Variants in RNLS observed in about 807,000 individuals in gnomAD.
RNLS encodes the protein renalase, FAD dependent amine oxidase.
In RNLS, 39 loss-of-function variants were observed where a neutral mutation model predicts 39.8. The observed-to-expected ratio is 0.98, with a 90% CI of 0.76 to 1.28. The LOEUF (loss-of-function observed/expected upper bound fraction) is 1.28, where lower values mean the gene tolerates loss of function less well. Among genes scored for constraint, RNLS ranks in the 50% most tolerant of loss-of-function variants. The pLI, the probability that RNLS is intolerant of heterozygous loss-of-function variation, is 0.00. For missense variants in RNLS, 410 were observed against 413.3 expected (o/e 0.99, Z 0.07); for synonymous variants, 147 against 150.7 (o/e 0.98, Z 0.18).
At chr10:88,404,531 C>T (rs1853142311) in intron 4 of RNLS, among the ~76,000 whole-genome samples, 1 of 151,942 alleles carries the variant, frequency 6.6e-6, no homozygotes, top group African/African-American at 2.4e-5. Context: ...AAGTCATAGG[C>T]CAAGTGACAA....
chr10:88,416,598 C>G (rs1854044783), intron 4 of RNLS, among the ~76,000 whole-genome samples: 1 of 152,122 alleles, frequency 6.6e-6, no homozygotes, highest in Admixed American at 6.5e-5. Context: ...CTTTTGAGGA[C>G]TTTCATTATT....
At chr10:88,193,374 C>T in the RNLS span, among the ~76,000 whole-genome samples, 2 of 152,024 alleles carry the variant, frequency 1.3e-5, no homozygotes, top group Admixed American at 6.6e-5. Flanking sequence ...GAACAGAGTG[C>T]GAACACATTA....
rs529472048 is a variant in RNLS, at chr10:88,380,436, C to T, written c.527-17711G>A. 7.4e-5 allele frequency among the ~76,000 whole-genome samples: 10 copies of T among 135,122 alleles called. No homozygotes were observed. In the East Asian group the frequency reaches 1.3e-3, roughly 18 times the overall value. 88.6% of individuals were successfully genotyped at this position (135,122 alleles called of 152,430 possible). A position where few individuals can be genotyped will look rare whatever the true frequency, so the allele number is the denominator to read the frequency against. On this transcript the variant is annotated intron_variant, in intron 4 of 6. Coordinates refer to ENST00000331772, the MANE Select transcript of RNLS (RefSeq NM_001031709.3). ...TGTCACCCAGGCTGGAGTGCAGTGG[C>T]GTGATCTCCGCTCACTGCAAGCTCT... is the stretch of plus-strand genomic sequence containing the variant.
intron 4 of RNLS, among the ~76,000 whole-genome samples, chr10:88,387,017 A>G (rs1187741701): frequency 6.6e-6 from 1 of 152,232 alleles, no homozygotes; most frequent in African/African-American, 2.4e-5. Flanking sequence ...CACCCAAAAC[A>G]CATAAACAGA....
the RNLS span, among the ~76,000 whole-genome samples, chr10:88,226,229 C>A: frequency 2.6e-5 from 4 of 152,164 alleles, no homozygotes; most frequent in Non-Finnish European, 5.9e-5. Flanking sequence ...ACATTTTTAG[C>A]CCTTTATCTA....
intron 4 of RNLS, among the ~76,000 whole-genome samples, chr10:88,378,339 T>C (rs1851194349): frequency 6.6e-6 from 1 of 152,202 alleles, no homozygotes; most frequent in Non-Finnish European, 1.5e-5. Context: ...TGCCATCCTG[T>C]TTCTGGCCAC....
chr10:88,550,155 C>T (rs1412460922), intron 4 of RNLS, among the ~76,000 whole-genome samples: 1 of 152,088 alleles, frequency 6.6e-6, no homozygotes, highest in African/African-American at 2.4e-5. Context: ...AATAAAACTG[C>T]TTACCAGAAA....
At chr10:88,421,251 T>C (rs1029161619) in intron 4 of RNLS, among the ~76,000 whole-genome samples, 5 of 151,886 alleles carry the variant, frequency 3.3e-5, no homozygotes, top group Admixed American at 2.6e-4. Context: ...ATTTTACCCA[T>C]AGCCTATGAT....
At chr10:88,387,938 CTG>C (rs1454398303) in intron 4 of RNLS, among the ~76,000 whole-genome samples, 2 of 152,166 alleles carry the variant, frequency 1.3e-5, no homozygotes, top group South Asian at 2.1e-4. Flanking sequence ...GGAAACATCT[CTG>C]TGGGTATTTG....
intron 4 of RNLS, among the ~76,000 whole-genome samples, chr10:88,533,731 G>T (rs1847575172): frequency 1.3e-5 from 2 of 152,082 alleles, no homozygotes; most frequent in Admixed American, 6.6e-5. Flanking sequence ...GACAAGACAG[G>T]GAGTGACACT....
At chr10:88,208,411 T>C in the RNLS span, among the ~76,000 whole-genome samples, 13,868 of 152,084 alleles carry the variant, frequency 0.091, 745 homozygotes, top group Middle Eastern at 0.14. Flanking sequence ...ATATGGAAGA[T>C]TAAATGAAAA....
intron 6 of RNLS, among the ~76,000 whole-genome samples, chr10:88,305,499 G>C (rs1405770963): frequency 6.6e-6 from 1 of 151,996 alleles, no homozygotes; most frequent in Non-Finnish European, 1.5e-5. Flanking sequence ...GATCTACCAA[G>C]GAAATGGAAA....
the RNLS span, among the ~76,000 whole-genome samples, chr10:88,225,328 C>T: frequency 6.6e-6 from 1 of 152,178 alleles, no homozygotes; most frequent in Non-Finnish European, 1.5e-5. Context: ...TTTGTTACTG[C>T]CTGTTGAGCT....
chr10:88,382,032 T>C (rs533272751), intron 4 of RNLS, among the ~76,000 whole-genome samples: 1 of 152,270 alleles, frequency 6.6e-6, no homozygotes, highest in East Asian at 1.9e-4. Flanking sequence ...CCCACTACGA[T>C]GGCAGAGTAG....
chr10:88,553,065 G>A (rs1489116951), intron 4 of RNLS, among the ~76,000 whole-genome samples: 2 of 151,868 alleles, frequency 1.3e-5, no homozygotes, highest in African/African-American at 4.8e-5. Context: ...CAAAAACATG[G>A]GTCAAACTAA....
chr10:88,286,375 G>C (rs1843273350), intron 6 of RNLS, among the ~76,000 whole-genome samples: 1 of 152,026 alleles, frequency 6.6e-6, no homozygotes, highest in Admixed American at 6.6e-5. Flanking sequence ...AAAAGACACA[G>C]AGATTGTTTT....
At chr10:88,274,383 T>C (rs548636802) in exon 7 of RNLS, 2 of 152,646 alleles carry the variant, frequency 1.3e-5, no homozygotes, top group East Asian at 1.9e-4. Flanking sequence ...GCAACCACCA[T>C]TCTATTTTCT....
At chr10:88,504,340 A>G (rs916958745) in intron 4 of RNLS, among the ~76,000 whole-genome samples, 6 of 152,130 alleles carry the variant, frequency 3.9e-5, no homozygotes, top group African/African-American at 1.4e-4. Context: ...CCAGGATATA[A>G]TATTAGGTTT....
chr10:88,346,986 C>T, intron 5 of RNLS, among the ~76,000 whole-genome samples: 1 of 152,100 alleles, frequency 6.6e-6, no homozygotes, highest in Non-Finnish European at 1.5e-5. Flanking sequence ...TCTGAGGGAG[C>T]TCTAGGCAAA....
Sources: allele counts gnomAD v4.1 joint callset (sites outside exome capture counted in the v4.1 genomes callset), GRCh38; gene constraint gnomAD v4.1.1; transcripts MANE v1.5; gene names NCBI Gene and HGNC (gene_info 2026-07-23, HGNC 2026-07-21).